Variants in SYNE3 observed in about 807,000 individuals in gnomAD.
SYNE3 encodes nesprin-3.
SYNE3 carries 100 observed loss-of-function variants against 111.2 expected under a neutral mutation model. The observed-to-expected ratio is 0.90, with a 90% CI of 0.77 to 1.06. SYNE3 has a LOEUF of 1.06. SYNE3 is among the 50% of genes least tolerant of loss of function. SYNE3 has a pLI of 0.00. For synonymous variants in SYNE3, 547 were observed against 533.9 expected, an observed-to-expected ratio of 1.02 and a Z score of -0.34; for missense variants, 1,160 against 1,240.3, an observed-to-expected ratio of 0.94 and a Z score of 0.97.
intron 4 of SYNE3, among the ~76,000 whole-genome samples, chr14:95,461,573 G>A (rs982584432): frequency 4.6e-5 from 7 of 152,192 alleles, no homozygotes; most frequent in Non-Finnish European, 1.0e-4. Flanking sequence ...CCTAGAGGCT[G>A]TGCTAATTAA....
In SYNE3 at chr14:95,411,085, T is replaced by C. The variant is rs1683623463; in HGVS notation, c.*6741A>G. On this transcript the variant is annotated 3_prime_UTR_variant, in exon 18 of 18. Coordinates refer to ENST00000682763, the MANE Select transcript of SYNE3 (RefSeq NM_152592.6). ...TCAGAGTCCTAACCTGTAAAATGGGTACAAAGTTGGAACAAGACAGTCTAT... is the reference window on the plus strand; with the variant it reads ...TCAGAGTCCTAACCTGTAAAATGGGCACAAAGTTGGAACAAGACAGTCTAT... 6.6e-6 allele frequency: 1 copy of C among 152,190 alleles called. No individual in the cohort carries two copies. Among genetic ancestry groups the C allele is most frequent in the Middle Eastern group, 3.4e-3 (1 of 294 alleles). 9.4% of individuals were successfully genotyped at this position (152,190 alleles called of 1,614,324 possible). A position where few individuals can be genotyped will look rare whatever the true frequency, so the allele number is the denominator to read the frequency against.
chr14:95,453,874 T>C (rs1227551881), intron 6 of SYNE3, among the ~76,000 whole-genome samples: 1 of 152,214 alleles, frequency 6.6e-6, no homozygotes, highest in East Asian at 1.9e-4. Flanking sequence ...AAGCATGACC[T>C]TTTTCTAGGC....
intron 1 of SYNE3, among the ~76,000 whole-genome samples, chr14:95,513,040 T>C (rs1890777791): frequency 6.6e-6 from 1 of 152,158 alleles, no homozygotes; most frequent in Non-Finnish European, 1.5e-5. Context: ...CTTGCCTTTT[T>C]CTTTTTTAAA....
At chr14:95,460,491 G>C (rs1360048875) in intron 4 of SYNE3, among the ~76,000 whole-genome samples, 1 of 151,548 alleles carries the variant, frequency 6.6e-6, no homozygotes, top group African/African-American at 2.4e-5. Flanking sequence ...AAAGTGCTGG[G>C]ATTACAGGCG....
In SYNE3 at chr14:95,455,366, A is replaced by C; in HGVS notation, c.1137+11T>G. On this transcript the variant is annotated intron_variant, in intron 6 of 17. Transcript: ENST00000682763. ...CACCCTGGGCTCCATGACTCGGCCA[A>C]GCACGCTTACCGAGTAGCGTCTCCA... The C allele has an allele frequency of 6.6e-7, 1 of 1,520,044 alleles. No homozygotes were observed. Among genetic ancestry groups the C allele is most frequent in the East Asian group, 2.3e-5 (1 of 43,968 alleles). The allele number at this position is 1,520,044 out of a possible 1,614,324, so 94.2% of individuals were successfully genotyped here. A position where few individuals can be genotyped will look rare whatever the true frequency, so the allele number is the denominator to read the frequency against.
rs374143815 is a variant in SYNE3 at position 95,484,374 on chromosome 14, T to C, written c.-14-8539A>G. Among the ~76,000 whole-genome samples, 17 of 152,204 alleles carry C rather than the reference T, an allele frequency of 1.1e-4. No homozygotes were observed. The South Asian group carries it at 2.5e-3, about 22-fold the overall frequency. On this transcript the variant is annotated intron_variant, in intron 1 of 17. Coordinates refer to ENST00000682763, the MANE Select transcript of SYNE3 (RefSeq NM_152592.6). ...CAGGTGTGATCGTCTCAGGCTCCAA[T>C]TGGACACTTTGAAGGGGAGGGCTCC... is the stretch of plus-strand genomic sequence containing the variant.
intron 6 of SYNE3, among the ~76,000 whole-genome samples, chr14:95,454,862 C>T (rs891677834): frequency 1.3e-5 from 2 of 152,078 alleles, no homozygotes; most frequent in African/African-American, 2.4e-5. Flanking sequence ...TCGTATACCT[C>T]GGGGGAGGGC....
chr14:95,497,206 C>T (rs1462156277), intron 1 of SYNE3, among the ~76,000 whole-genome samples: 2 of 152,246 alleles, frequency 1.3e-5, no homozygotes, highest in African/African-American at 4.8e-5. Context: ...TTCCTAACAG[C>T]TGCTAAGGAT....
At chr14:95,444,274 G>T (rs534513275) in intron 10 of SYNE3, 2 of 547,684 alleles carry the variant, frequency 3.7e-6, no homozygotes, top group South Asian at 4.0e-5. Flanking sequence ...TTGTCATTTT[G>T]CTGAGCTCAA....
chr14:95,435,097 G>A lies in SYNE3; in HGVS notation c.2539-1688C>T, dbSNP rs114496937. Among the ~76,000 whole-genome samples the A allele has an allele frequency of 4.2e-3, 646 of 152,316 alleles. 4 individuals carry two copies. Among genetic ancestry groups the A allele is most frequent in the African/African-American group, 0.014 (602 of 41,558 alleles). Reference sequence around the variant, plus strand: ...CAGAAACATTCATAAAATGCCTTGAGATGTTAGAATTATTAGATACAATCT... The same window carrying A: ...CAGAAACATTCATAAAATGCCTTGAAATGTTAGAATTATTAGATACAATCT... On this transcript the variant is annotated intron_variant, in intron 15 of 17. Transcript: ENST00000682763.
chr14:95,466,346 G>T, intron 3 of SYNE3, 106 bp from the exon 4 acceptor site: 1 of 1,341,942 alleles, frequency 7.5e-7, no homozygotes. Context: ...CTGTGGTCTG[G>T]GGGCATGATG....
Position 95,468,887 on chromosome 14 carries a change from G to T in SYNE3, c.145-920C>A, listed in dbSNP as rs115925356. Among the ~76,000 whole-genome samples the T allele has an allele frequency of 8.9e-3, 1,361 of 152,288 alleles. 20 individuals are homozygous for T. Among genetic ancestry groups the T allele is most frequent in the African/African-American group, 0.031 (1,300 of 41,538 alleles). On this transcript the variant is annotated intron_variant, in intron 2 of 17. Transcript: ENST00000682763. ...CTGTTACTATTGCAGTTCAGGGGCA[G>T]CTAAGGCTTGGTCTCTGTAGGCAAA...
intron 4 of SYNE3, among the ~76,000 whole-genome samples, chr14:95,465,435 A>C (rs1369747964): frequency 6.6e-6 from 1 of 152,204 alleles, no homozygotes; most frequent in East Asian, 1.9e-4. Context: ...GATGGTCAAT[A>C]GTGGGTAGAT....
rs185641396 is a variant in SYNE3, at chr14:95,505,095, G to A, written c.-15+11501C>T. On this transcript the variant is annotated intron_variant, in intron 1 of 17. Coordinates refer to ENST00000682763, the MANE Select transcript of SYNE3 (RefSeq NM_152592.6). ...GTGCTGGGTCCTGCCTTGGGACTCCGGGCAACTCCCTTCCCGCCATGGCTT... is the reference window on the plus strand; with the variant it reads ...GTGCTGGGTCCTGCCTTGGGACTCCAGGCAACTCCCTTCCCGCCATGGCTT... 1.4e-4 allele frequency among the ~76,000 whole-genome samples: 21 copies of A among 152,342 alleles called. 1 individual carries two copies. Among genetic ancestry groups the A allele is most frequent in the South Asian group, 1.2e-3 (6 of 4,826 alleles).
rs1455918511 is a variant in SYNE3 at position 95,516,577 on chromosome 14, C to T, written c.-15+19G>A. On this transcript the variant is annotated intron_variant, in intron 1 of 17. Transcript: ENST00000682763. ...GGCCCCCGGCCCCAGGCCTGGCCTC[C>T]CGGCCCCGTGCCACTTACCCTCCCG... Among the ~76,000 whole-genome samples the T allele has an allele frequency of 2.7e-5, 4 of 150,114 alleles. No homozygotes were observed. Among genetic ancestry groups the T allele is most frequent in the African/African-American group, 4.9e-5 (2 of 41,210 alleles).
At chr14:95,484,382 T>A (rs1167633676) in intron 1 of SYNE3, among the ~76,000 whole-genome samples, 1 of 152,072 alleles carries the variant, frequency 6.6e-6, no homozygotes, top group Non-Finnish European at 1.5e-5. Context: ...AATTGGACAC[T>A]TTGAAGGGGA....
At chr14:95,478,308 G>C (rs1346964557) in intron 1 of SYNE3, among the ~76,000 whole-genome samples, 3 of 152,206 alleles carry the variant, frequency 2.0e-5, no homozygotes, top group Non-Finnish European at 4.4e-5. Flanking sequence ...TTACTCTAAA[G>C]AAGCTCTCAG....
At chr14:95,422,562 G>A (rs1885185477) in intron 17 of SYNE3, among the ~76,000 whole-genome samples, 1 of 152,204 alleles carries the variant, frequency 6.6e-6, no homozygotes, top group Non-Finnish European at 1.5e-5. Context: ...GTGGAGGATG[G>A]GTGTGCTCTG....
intron 11 of SYNE3, among the ~76,000 whole-genome samples, chr14:95,442,136 T>C (rs1595194623): frequency 6.6e-6 from 1 of 152,194 alleles, no homozygotes; most frequent in African/African-American, 2.4e-5. Flanking sequence ...GGAAGACTGC[T>C]CTTGGGTTTG....
Sources: gnomAD v4.1 joint callset for allele counts (sites outside exome capture counted in the v4.1 genomes callset) on GRCh38, gnomAD v4.1.1 for gene constraint, MANE v1.5 for transcripts, NCBI Gene and HGNC (gene_info 2026-07-23, HGNC 2026-07-21) for gene names.